The following DNAH17 variants were observed in gnomAD, a reference collection of about 807,000 sequenced individuals.
The protein encoded by DNAH17 is axonemal beta dynein heavy chain 17.
In DNAH17, 376 loss-of-function variants were observed where a neutral mutation model predicts 485.6. The observed-to-expected ratio is 0.77, with a 90% confidence interval of 0.71 to 0.84. DNAH17 has a LOEUF of 0.84. Among genes scored for constraint, DNAH17 ranks in the 40% least tolerant of loss-of-function variants. The pLI is 0.00. For synonymous variants in DNAH17, 3,031 were observed against 2,405.9 expected (o/e 1.26, Z -7.60); for missense variants, 6,370 against 5,839.3 (o/e 1.09, Z -2.96).
intron 35 of DNAH17, 137 bp downstream of exon 35, chr17:78,501,047 T>C (rs753962748): frequency 4.6e-5 from 48 of 1,033,662 alleles, no homozygotes; most frequent in Non-Finnish European, 6.4e-5. Context: ...TAGAACTGAA[T>C]GTGAACACAG....
intron 19 of DNAH17, among the ~76,000 whole-genome samples, chr17:78,535,646 A>T (rs1052915816): frequency 7.9e-5 from 12 of 152,220 alleles, no homozygotes; most frequent in African/African-American, 2.7e-4. Context: ...CAAACAACGC[A>T]GAAATGCATG....
In DNAH17 at chr17:78,423,959, C is replaced by G. The variant is rs1568025512; in HGVS notation, c.13336G>C (p.Glu4446Gln). The part of the protein sequence containing the change: ...YVWTFNLKTK[E>Q]KAAKWILAAV... ...GCCAGGATCCACTTCGCTGCCTTCTCTTTGGTCTTCAAGTTAAAGGTCCAG... is the reference window on the plus strand; with the variant it reads ...GCCAGGATCCACTTCGCTGCCTTCTGTTTGGTCTTCAAGTTAAAGGTCCAG... The change falls in exon 81 of 81, where the codon GAG (glutamate) becomes CAG (glutamine). Residue 4446 changes from glutamate (E) to glutamine (Q), a missense_variant. Coordinates refer to ENST00000389840, the MANE Select transcript of DNAH17 (RefSeq NM_173628.4). 4.3e-6 allele frequency: 7 copies of G among 1,613,876 alleles called. No homozygotes were observed. The highest frequency in any genetic ancestry group is 2.7e-5 in the African/African-American group (2 of 74,924).
rs1423439920 is a variant in DNAH17, at chr17:78,532,074, G to T, written c.3114+408C>A. On this transcript the variant is annotated intron_variant, in intron 20 of 80. Coordinates refer to ENST00000389840, the MANE Select transcript of DNAH17 (RefSeq NM_173628.4). ...TTACCTTCTGGGCTGCTACCCACTA[G>T]CCCTCAGCCCTCATCTCCCTGAGGT... 2.0e-5 allele frequency among the ~76,000 whole-genome samples: 3 copies of T among 152,170 alleles called. No homozygotes were observed. In the East Asian group the frequency reaches 5.8e-4, roughly 29 times the overall value.
chr17:78,552,726 G>T lies in DNAH17; in HGVS notation c.2258C>A (p.Ala753Asp). Residue 753 changes from alanine to aspartate, a missense_variant, in exon 15 of 81, where the codon GCT becomes GAT. Physicochemically the swap from Ala to Asp is moderately radical, Grantham distance 126. Transcript: ENST00000389840. ...LEAIDVKLLS[A>D]ETTLFWNGEG... is the part of the protein sequence containing the mutation. ...GCCATTCCAGAATAATGTCGTTTCA[G>T]CGCTCAATAACTTGACATCAATTGC... 1.2e-6 allele frequency: 2 copies of T among 1,613,908 alleles called. No individual in the cohort carries two copies. The highest frequency in any genetic ancestry group is 1.7e-6 in the Non-Finnish European group (2 of 1,179,824).
chr17:78,536,754 T>G (rs1217052918), intron 19 of DNAH17, among the ~76,000 whole-genome samples: 1 of 149,006 alleles, frequency 6.7e-6, no homozygotes, highest in African/African-American at 2.5e-5. Flanking sequence ...GTCGGGGGGT[T>G]GGAAGGATGA....
chr17:78,552,592 C>A, intron 15 of DNAH17, 105 bp downstream of exon 15: 1 of 687,426 alleles, frequency 1.5e-6, no homozygotes, highest in Non-Finnish European at 2.6e-6. Flanking sequence ...CAGATCCACA[C>A]AGCCAGGAGG....
intron 73 of DNAH17, among the ~76,000 whole-genome samples, chr17:78,438,433 GGAGGAGGA>G (rs2086930799): frequency 1.2e-5 from 1 of 84,756 alleles, no homozygotes; most frequent in Non-Finnish European, 2.4e-5. Flanking sequence ...AGAAGGAGGA[GGAGGAGGA>G]GGAGGGAGGA....
chr17:78,435,192 G>A (rs2086816581), intron 74 of DNAH17, among the ~76,000 whole-genome samples: 1 of 152,164 alleles, frequency 6.6e-6, no homozygotes, highest in Admixed American at 6.5e-5. Flanking sequence ...CACGTGGAGA[G>A]CCAGAGTGAC....
chr17:78,443,742 G>A (rs977124769), intron 71 of DNAH17, among the ~76,000 whole-genome samples: 1 of 152,124 alleles, frequency 6.6e-6, no homozygotes, highest in African/African-American at 2.4e-5. Context: ...TAGAGATGGG[G>A]TCTCACTATG....
intron 11 of DNAH17, among the ~76,000 whole-genome samples, chr17:78,562,494 C>A (rs564938257): frequency 6.6e-6 from 1 of 151,944 alleles, no homozygotes; most frequent in Non-Finnish European, 1.5e-5. Context: ...TTTGGGTGTG[C>A]GCTTATAGTT....
rs942335398 is a variant in DNAH17, at chr17:78,536,902, G to A, written c.2859+397C>T. Among the ~76,000 whole-genome samples, 3 of 151,986 alleles carry A rather than the reference G, an allele frequency of 2.0e-5. No homozygotes were observed. The East Asian group carries it at 5.8e-4, about 30-fold the overall frequency. On this transcript the variant is annotated intron_variant, in intron 19 of 80. Coordinates refer to ENST00000389840, the MANE Select transcript of DNAH17 (RefSeq NM_173628.4). Reference sequence around the variant, plus strand: ...ATTTAAAAGGTAAGCAGGGCCGGGCGCGGTGGCTCACGCCTATAATCCCAG... The same window carrying A: ...ATTTAAAAGGTAAGCAGGGCCGGGCACGGTGGCTCACGCCTATAATCCCAG...
At position 78,569,370 on chromosome 17, in the gene DNAH17, G is replaced by A; in HGVS notation, c.1197+5C>T. 1.2e-6 allele frequency: 2 copies of A among 1,612,800 alleles called. No homozygotes were observed. The highest frequency in any genetic ancestry group is 1.7e-6 in the Non-Finnish European group (2 of 1,179,368). The stretch of plus-strand genomic sequence containing the variant: ...CTTGGCCCTCGCCCTGCGAGGAAGG[G>A]GTACCTTAAAGAAAAGCTTCATGTT... On this transcript the variant is annotated splice_donor_5th_base_variant and intron_variant, in intron 8 of 80. Transcript: ENST00000389840.
intron 54 of DNAH17, among the ~76,000 whole-genome samples, chr17:78,475,054 G>C (rs58470902): frequency 6.9e-6 from 1 of 144,872 alleles, no homozygotes; most frequent in Non-Finnish European, 1.5e-5. Context: ...TCAGTCACAC[G>C]GGCTGGAAGG....
chr17:78,491,949 G>T (rs567615507), intron 42 of DNAH17, among the ~76,000 whole-genome samples: 2 of 152,196 alleles, frequency 1.3e-5, no homozygotes, highest in African/African-American at 4.8e-5. Flanking sequence ...CGCTTCATGC[G>T]TCAGGCATGG....
At chr17:78,546,393 A>G (rs906941491) in intron 16 of DNAH17, among the ~76,000 whole-genome samples, 3 of 152,168 alleles carry the variant, frequency 2.0e-5, no homozygotes, top group Admixed American at 6.5e-5. Context: ...GCTTTTAAAT[A>G]CTTTATATAT....
At chr17:78,473,562 A>G (rs1044994385) in intron 54 of DNAH17, among the ~76,000 whole-genome samples, 6 of 151,218 alleles carry the variant, frequency 4.0e-5, no homozygotes, top group East Asian at 1.9e-4. Flanking sequence ...AAAAAAAAAA[A>G]AAAGAAATGA....
chr17:78,458,360 C>T, intron 62 of DNAH17: 1 of 583,776 alleles, frequency 1.7e-6, no homozygotes, highest in East Asian at 2.9e-5. Flanking sequence ...TTACTTGGAA[C>T]CACGCGACAG....
intron 25 of DNAH17, among the ~76,000 whole-genome samples, chr17:78,516,357 C>T (rs1222604868): frequency 6.6e-6 from 1 of 152,210 alleles, no homozygotes; most frequent in African/African-American, 2.4e-5. Flanking sequence ...CCCATTCTCT[C>T]AGATGCCTGC....
In DNAH17 at chr17:78,547,792, A is replaced by AT. The variant is rs1598702560; in HGVS notation, c.2391+3742dup. On this transcript the variant is annotated intron_variant, in intron 16 of 80. Transcript: ENST00000389840. ...GCCACCACACCTGGCTCCTTTTTGT[A>AT]TTTTTAGTAGAGACAGGGTTTCGCC... Among the ~76,000 whole-genome samples, 4 of 151,872 alleles carry AT rather than the reference A, an allele frequency of 2.6e-5. No homozygotes were observed. In the East Asian group the frequency reaches 7.8e-4, roughly 29 times the overall value.
Sources: allele counts gnomAD v4.1 joint callset (sites outside exome capture counted in the v4.1 genomes callset), GRCh38; gene constraint gnomAD v4.1.1; transcripts MANE v1.5; gene names NCBI Gene and HGNC (gene_info 2026-07-23, HGNC 2026-07-21).